The following TSC22D1 variants were observed in gnomAD, a reference collection of about 807,000 sequenced individuals.
TSC22D1 encodes the protein TSC22 domain family protein 1.
TSC22D1 carries 9 observed loss-of-function variants against 74.2 expected under a neutral mutation model. The observed-to-expected ratio is 0.12, with a 90% CI of 0.07 to 0.21. The LOEUF is 0.21. Among genes scored for constraint, TSC22D1 ranks in the 10% least tolerant of loss-of-function variants. The probability of loss-of-function intolerance (pLI) is 1.00; values close to 1 mark genes in which losing one functional copy is unlikely to be tolerated. For missense variants in TSC22D1, 1,427 were observed against 1,304.7 expected (o/e 1.09, Z -1.44); for synonymous variants, 586 against 492.5 (o/e 1.19, Z -2.51).
chr13:44,477,148 T>C (rs769801655), intron 1 of TSC22D1, among the ~76,000 whole-genome samples: 111 of 152,224 alleles, frequency 7.3e-4, no homozygotes, highest in Admixed American at 1.8e-3. Flanking sequence ...AGACGGGGTT[T>C]CACCATGTTG....
At position 44,574,743 on chromosome 13, in the gene TSC22D1, T is replaced by C. The variant is rs752899489; in HGVS notation, c.1332A>G (p.Ile444Met). ...NAVPATEGVL[I>M]NKVVETVKQN... ...GCTTTACAGTCTCCACCACTTTATT[T>C]ATCAGCACACCTTCTGTAGCAGGTA... Residue 444 changes from isoleucine (I) to methionine (M), a missense_variant, in exon 1 of 3, where the codon ATA (isoleucine) becomes ATG (methionine). Ile to Met is a conservative substitution (Grantham distance 10). Coordinates refer to ENST00000458659, the MANE Select transcript of TSC22D1 (RefSeq NM_183422.4). 2.2e-5 allele frequency: 36 copies of C among 1,614,032 alleles called. No individual in the cohort carries two copies. Among genetic ancestry groups the C allele is most frequent in the Non-Finnish European group, 3.1e-5 (36 of 1,180,050 alleles).
chr13:44,502,998 T>C (rs533539370), intron 1 of TSC22D1, among the ~76,000 whole-genome samples: 1 of 152,324 alleles, frequency 6.6e-6, no homozygotes, highest in Admixed American at 6.5e-5. Context: ...CAAAAGGTAT[T>C]CAAAATTTGT....
intron 1 of TSC22D1, among the ~76,000 whole-genome samples, chr13:44,553,506 G>A (rs1221808983): frequency 3.3e-5 from 5 of 152,166 alleles, no homozygotes; most frequent in Non-Finnish European, 1.5e-5. Context: ...ATTCTAAGGA[G>A]ATAGTTTTCG....
intron 1 of TSC22D1, among the ~76,000 whole-genome samples, chr13:44,567,160 C>A (rs1883430606): frequency 6.6e-6 from 1 of 152,210 alleles, no homozygotes; most frequent in African/African-American, 2.4e-5. Context: ...CAAAACCTTT[C>A]ATTCCACATC....
chr13:44,433,824 G>A lies in TSC22D1; in HGVS notation c.*802C>T. Reference sequence around the variant, plus strand: ...CCAAATTCTTAAAATTTCTTTAGGTGTGGTTTTTGTCATGTAGCAGTTTTT... The same window carrying A: ...CCAAATTCTTAAAATTTCTTTAGGTATGGTTTTTGTCATGTAGCAGTTTTT... On this transcript the variant is annotated 3_prime_UTR_variant, in exon 3 of 3. Transcript: ENST00000458659. The A allele has an allele frequency of 1.6e-6, 1 of 619,632 alleles. No individual in the cohort carries two copies. The highest frequency in any genetic ancestry group is 2.5e-6 in the Non-Finnish European group (1 of 392,708). The allele number at this position is 619,632 out of a possible 1,614,324, so 38.4% of individuals were successfully genotyped here. A position where few individuals can be genotyped will look rare whatever the true frequency, so the allele number is the denominator to read the frequency against.
chr13:44,518,507 T>C (rs1224386793), intron 1 of TSC22D1, among the ~76,000 whole-genome samples: 1 of 152,142 alleles, frequency 6.6e-6, no homozygotes, highest in Non-Finnish European at 1.5e-5. Flanking sequence ...GAAAAACAAA[T>C]GTGGGAATTA....
intron 1 of TSC22D1, among the ~76,000 whole-genome samples, chr13:44,515,688 T>C (rs927049022): frequency 4.6e-5 from 7 of 152,172 alleles, no homozygotes; most frequent in Non-Finnish European, 1.0e-4. Flanking sequence ...TCACCCACCT[T>C]GGCCTCCCAA....
At position 44,573,402 on chromosome 13, in the gene TSC22D1, T is replaced by C. The variant is rs765174022; in HGVS notation, c.2673A>G (p.Pro891=). Residue 891 remains proline (P), a synonymous_variant, in exon 1 of 3, where the codon CCA becomes CCG. Transcript: ENST00000458659. The part of the protein sequence containing the change: ...NTNLPLAQQI[P]LSSTQFSAQS... ...GTGCGGAGAACTGGGTAGAACTTAG[T>C]GGTATCTGTTGTGCCAAAGGCAAAT... The C allele has an allele frequency of 1.1e-5, 17 of 1,614,094 alleles. No homozygotes were observed. The highest frequency in any genetic ancestry group is 2.2e-5 in the East Asian group (1 of 44,894).
At chr13:44,576,429 G>C (rs1595187675), upstream of TSC22D1, 1 of 207,580 alleles carries the variant, frequency 4.8e-6, no homozygotes, top group East Asian at 1.0e-4. Flanking sequence ...AGCGAGAAAT[G>C]CCCACCTTCT....
At chr13:44,494,906 C>G (rs776112932) in intron 1 of TSC22D1, among the ~76,000 whole-genome samples, 2 of 151,834 alleles carry the variant, frequency 1.3e-5, no homozygotes, top group Non-Finnish European at 2.9e-5. Flanking sequence ...ATATCAGTAA[C>G]AAGACAGAAA....
intron 1 of TSC22D1, among the ~76,000 whole-genome samples, chr13:44,496,395 T>C (rs1878979095): frequency 6.6e-6 from 1 of 151,728 alleles, no homozygotes; most frequent in African/African-American, 2.4e-5. Context: ...AAAAAATCAG[T>C]GGGGTGGCCG....
intron 1 of TSC22D1, among the ~76,000 whole-genome samples, chr13:44,478,112 TAGG>T (rs1173599964): frequency 2.6e-5 from 4 of 152,164 alleles, no homozygotes; most frequent in African/African-American, 9.6e-5. Context: ...TTGGGAAAAC[TAGG>T]AGAAAATTTA....
chr13:44,438,699 A>G (rs1874936178), intron 1 of TSC22D1, among the ~76,000 whole-genome samples: 1 of 152,058 alleles, frequency 6.6e-6, no homozygotes, highest in African/African-American at 2.4e-5. Flanking sequence ...TGCTTTAAAA[A>G]AAAAGATACC....
chr13:44,460,953 A>T (rs1005681393), intron 1 of TSC22D1, among the ~76,000 whole-genome samples: 1 of 152,238 alleles, frequency 6.6e-6, no homozygotes, highest in Non-Finnish European at 1.5e-5. Context: ...GATATAATTT[A>T]TCATCTAGCT....
chr13:44,471,306 T>C (rs1877589621), intron 1 of TSC22D1, among the ~76,000 whole-genome samples: 1 of 152,244 alleles, frequency 6.6e-6, no homozygotes. Context: ...GCACTGAAAT[T>C]TGTTTGAAAT....
chr13:44,513,516 C>T (rs1383225993), intron 1 of TSC22D1, among the ~76,000 whole-genome samples: 5 of 152,102 alleles, frequency 3.3e-5, no homozygotes, highest in Non-Finnish European at 5.9e-5. Flanking sequence ...GGTCTTCATA[C>T]TTGAAAATGT....
chr13:44,533,316 GC>G (rs1161049195), intron 1 of TSC22D1, among the ~76,000 whole-genome samples: 27 of 151,304 alleles, frequency 1.8e-4, no homozygotes, highest in Admixed American at 7.2e-4. Flanking sequence ...CAAAAAATTA[GC>G]TGGGCATGGT....
At chr13:44,517,844 TATATATATATATA>T (rs1457251825) in intron 1 of TSC22D1, among the ~76,000 whole-genome samples, 6 of 26,212 alleles carry the variant, frequency 2.3e-4, no homozygotes, top group Non-Finnish European at 8.4e-4. Flanking sequence ...TATATATATA[TATATATATATATA>T]TTTTTTTTTT....
intron 1 of TSC22D1, among the ~76,000 whole-genome samples, chr13:44,441,881 AG>A (rs1459442694): frequency 1.1e-4 from 17 of 152,198 alleles, no homozygotes; most frequent in Non-Finnish European, 1.3e-4. Flanking sequence ...CCTGCATGTG[AG>A]GAAACTACCC....
Sources: gnomAD v4.1 joint callset for allele counts (sites outside exome capture counted in the v4.1 genomes callset) on GRCh38, gnomAD v4.1.1 for gene constraint, MANE v1.5 for transcripts, NCBI Gene and HGNC (gene_info 2026-07-23, HGNC 2026-07-21) for gene names.